The following ROBO2 variants were observed in gnomAD, a reference collection of about 807,000 sequenced individuals.
ROBO2 encodes roundabout guidance receptor 2, also known as roundabout homolog 2.
Under a neutral mutation model 160.8 loss-of-function variants are expected in ROBO2, and 53 were observed. The observed-to-expected ratio is 0.33, with a 90% confidence interval of 0.26 to 0.41. The LOEUF is 0.41. Among genes scored for constraint, ROBO2 ranks in the 10% least tolerant of loss-of-function variants. ROBO2 has a pLI of 1.00. For synonymous variants in ROBO2, 664 were observed against 611.7 expected (o/e 1.09, Z -1.26); for missense variants, 1,577 against 1,722.4 (o/e 0.92, Z 1.49).
rs552708711 is a variant in ROBO2, at chr3:77,396,684, A to C, written c.389-80730A>C. ...TTAGATTGCTGTTATTAAATGTCTC[A>C]GTCATGAAAGTCTGTCAACTGCCAA... On this transcript the variant is annotated intron_variant, in intron 2 of 25. Coordinates refer to ENST00000461745, the Ensembl canonical transcript of ROBO2. 2.0e-5 allele frequency among the ~76,000 whole-genome samples: 3 copies of C among 152,288 alleles called. No individual in the cohort carries two copies. The East Asian group carries it at 5.8e-4, about 29-fold the overall frequency.
chr3:76,618,836 A>C (rs2088810867), intron 2 of ROBO2, among the ~76,000 whole-genome samples: 1 of 151,776 alleles, frequency 6.6e-6, no homozygotes. Flanking sequence ...ATTCGTTTTT[A>C]ATTTTACTAT....
At chr3:77,252,346 C>T (rs1319938503) in intron 2 of ROBO2, among the ~76,000 whole-genome samples, 1 of 152,076 alleles carries the variant, frequency 6.6e-6, no homozygotes, top group Non-Finnish European at 1.5e-5. Flanking sequence ...TAGGCTTTCC[C>T]TATATCTCTT....
chr3:76,078,482 C>T (rs1169072450), intron 2 of ROBO2, among the ~76,000 whole-genome samples: 2 of 152,136 alleles, frequency 1.3e-5, no homozygotes, highest in Non-Finnish European at 2.9e-5. Flanking sequence ...CCTCCTGCCT[C>T]AGCTTCCCAA....
At chr3:77,602,633 A>G in intron 20 of ROBO2, 142 bp downstream of exon 21, 1 of 996,168 alleles carries the variant, frequency 1.0e-6, no homozygotes, top group Middle Eastern at 3.1e-4. Context: ...TGTTTCCAGT[A>G]ACTTGAGTAA....
chr3:77,429,876 C>A (rs1337923967), intron 2 of ROBO2, among the ~76,000 whole-genome samples: 2 of 152,060 alleles, frequency 1.3e-5, no homozygotes, highest in African/African-American at 4.8e-5. Context: ...AGCTGCGGTG[C>A]TCACTAATGA....
intron 2 of ROBO2, among the ~76,000 whole-genome samples, chr3:76,680,185 G>C (rs533659846): frequency 6.6e-6 from 1 of 152,058 alleles, no homozygotes; most frequent in African/African-American, 2.4e-5. Context: ...TAGGAAACTT[G>C]GTGATACTTT....
intron 2 of ROBO2, among the ~76,000 whole-genome samples, chr3:76,794,142 C>T (rs768166210): frequency 6.6e-6 from 1 of 151,646 alleles, no homozygotes; most frequent in Non-Finnish European, 1.5e-5. Context: ...TTGAATGGTG[C>T]AGAATTCATA....
chr3:77,375,259 G>A (rs2072467951), intron 2 of ROBO2, among the ~76,000 whole-genome samples: 1 of 152,208 alleles, frequency 6.6e-6, no homozygotes. Flanking sequence ...GGAGCCTCTT[G>A]TCATTGATTT....
At chr3:76,108,989 T>C (rs2070086010) in intron 2 of ROBO2, among the ~76,000 whole-genome samples, 1 of 151,818 alleles carries the variant, frequency 6.6e-6, no homozygotes, top group Non-Finnish European at 1.5e-5. Flanking sequence ...TATGCTAAGT[T>C]TTTCAAGTAT....
chr3:76,105,685 A>G (rs1272066121), intron 2 of ROBO2, among the ~76,000 whole-genome samples: 1 of 152,132 alleles, frequency 6.6e-6, no homozygotes, highest in Non-Finnish European at 1.5e-5. Context: ...GAAATAGAGT[A>G]ACCTACACGT....
chr3:76,410,120 A>G (rs1032520687), intron 2 of ROBO2, among the ~76,000 whole-genome samples: 3 of 152,124 alleles, frequency 2.0e-5, no homozygotes, highest in African/African-American at 7.2e-5. Context: ...CTTTGTTTCT[A>G]CTAGAAATTT....
chr3:77,122,934 A>G (rs2150282742), intron 2 of ROBO2, among the ~76,000 whole-genome samples: 1 of 152,212 alleles, frequency 6.6e-6, no homozygotes. Context: ...CCTCCCTAGT[A>G]AGTCTGGGAA....
chr3:77,411,637 T>C (rs2076810793), intron 2 of ROBO2, among the ~76,000 whole-genome samples: 1 of 152,314 alleles, frequency 6.6e-6, no homozygotes, highest in East Asian at 1.9e-4. Flanking sequence ...AACTTCTCCA[T>C]TTTAAATAAT....
intron 1 of ROBO2, among the ~76,000 whole-genome samples, chr3:77,064,711 T>G (rs918406703): frequency 6.6e-6 from 1 of 152,180 alleles, no homozygotes; most frequent in Non-Finnish European, 1.5e-5. Flanking sequence ...TTTGAAGAGC[T>G]AAAAAATTTG....
chr3:76,834,740 G>T (rs1383155223), intron 2 of ROBO2, among the ~76,000 whole-genome samples: 1 of 152,088 alleles, frequency 6.6e-6, no homozygotes, highest in Non-Finnish European at 1.5e-5. Flanking sequence ...GGCCTCAAAT[G>T]ATTCTCTTAA....
chr3:76,425,061 A>G (rs2076155079), intron 2 of ROBO2, among the ~76,000 whole-genome samples: 1 of 152,076 alleles, frequency 6.6e-6, no homozygotes, highest in Admixed American at 6.6e-5. Flanking sequence ...CTACCCTTAT[A>G]AATTCACTCT....
intron 2 of ROBO2, among the ~76,000 whole-genome samples, chr3:76,698,790 C>G (rs2092987672): frequency 6.6e-6 from 1 of 152,096 alleles, no homozygotes; most frequent in Non-Finnish European, 1.5e-5. Flanking sequence ...GATTTTACAT[C>G]CCCTTCCCAC....
intron 2 of ROBO2, among the ~76,000 whole-genome samples, chr3:77,416,472 A>T (rs1428976138): frequency 6.6e-6 from 1 of 152,048 alleles, no homozygotes; most frequent in Admixed American, 6.6e-5. Flanking sequence ...TAATCCCAGC[A>T]CTTTAGGAGA....
chr3:76,371,002 A>C (rs532583162), intron 2 of ROBO2, among the ~76,000 whole-genome samples: 1 of 151,834 alleles, frequency 6.6e-6, no homozygotes, highest in Non-Finnish European at 1.5e-5. Flanking sequence ...CACCCTAGAA[A>C]AGGATGCCTC....
Sources: allele counts gnomAD v4.1 joint callset (sites outside exome capture counted in the v4.1 genomes callset), GRCh38; gene constraint gnomAD v4.1.1; transcripts MANE v1.5; gene names NCBI Gene and HGNC (gene_info 2026-07-23, HGNC 2026-07-21).